The following INSL6 variants were observed in gnomAD, a reference collection of about 807,000 sequenced individuals.
INSL6 encodes the protein insulin like 6.
INSL6 carries 16 observed loss-of-function variants against 9.4 expected under a neutral mutation model. The observed-to-expected ratio is 1.70, with a 90% CI of 1.15 to 2.59. The LOEUF is 2.59. Ranked by LOEUF, INSL6 falls within the 30% of genes most tolerant of loss-of-function variation. INSL6 has a pLI of 0.00. For synonymous variants in INSL6, 154 were observed against 96.9 expected (o/e 1.59, Z -3.46); for missense variants, 391 against 257.3 (o/e 1.52, Z -3.56).
chr9:5,083,468 C>T, the INSL6 span, among the ~76,000 whole-genome samples: 1 of 152,206 alleles, frequency 6.6e-6, no homozygotes, highest in Non-Finnish European at 1.5e-5. Context: ...CCTGAAATAT[C>T]TCCAGATGTC....
the INSL6 span, among the ~76,000 whole-genome samples, chr9:5,081,225 T>TTA: frequency 6.6e-6 from 1 of 151,716 alleles, no homozygotes; most frequent in South Asian, 2.1e-4. Flanking sequence ...TAACCTAATT[T>TTA]TAGTTTTCCA....
At chr9:5,072,461 C>T in the INSL6 span, 1 of 1,484,030 alleles carries the variant, frequency 6.7e-7, no homozygotes, top group Non-Finnish European at 9.0e-7. Flanking sequence ...CATCTTTACT[C>T]ATTCTTTTCT....
chr9:5,150,776 G>A (rs1824695545), intron 2 of INSL6, among the ~76,000 whole-genome samples: 1 of 151,370 alleles, frequency 6.6e-6, no homozygotes, highest in Non-Finnish European at 1.5e-5. Context: ...ATGTTTAAAG[G>A]ACCACTCTTC....
the INSL6 span, chr9:5,081,869 G>C: frequency 3.7e-6 from 6 of 1,608,712 alleles, no homozygotes; most frequent in Non-Finnish European, 5.1e-6. Flanking sequence ...AAGGTAAATT[G>C]TCAGAATTTT....
At chr9:4,995,133 T>C in the INSL6 span, among the ~76,000 whole-genome samples, 1 of 152,220 alleles carries the variant, frequency 6.6e-6, no homozygotes, top group Non-Finnish European at 1.5e-5. Flanking sequence ...ACGTGAAAAA[T>C]AGAATCTCAT....
intron 1 of INSL6, among the ~76,000 whole-genome samples, chr9:5,171,156 T>G (rs763705109): frequency 6.6e-6 from 1 of 152,200 alleles, no homozygotes; most frequent in Non-Finnish European, 1.5e-5. Flanking sequence ...GTTGGCTTCA[T>G]GTCCAGGGTG....
the INSL6 span, among the ~76,000 whole-genome samples, chr9:5,044,735 C>G: frequency 1.3e-5 from 2 of 152,086 alleles, no homozygotes; most frequent in Non-Finnish European, 2.9e-5. Context: ...TTTTTTTGGA[C>G]TGATCCTTTT....
chr9:5,143,073 T>C (rs761296206), intron 2 of INSL6, among the ~76,000 whole-genome samples: 21 of 152,216 alleles, frequency 1.4e-4, no homozygotes, highest in South Asian at 6.2e-4. Flanking sequence ...AGCTTTTTGA[T>C]GTGCTGCTGG....
the INSL6 span, among the ~76,000 whole-genome samples, chr9:4,993,223 A>C: frequency 6.6e-6 from 1 of 152,204 alleles, no homozygotes; most frequent in South Asian, 2.1e-4. Context: ...CTGTGGGACA[A>C]CACCCTTAAG....
the INSL6 span, among the ~76,000 whole-genome samples, chr9:4,997,985 T>G: frequency 2.0e-5 from 3 of 152,194 alleles, no homozygotes; most frequent in Admixed American, 6.5e-5. Context: ...ATCTGAAATA[T>G]TCAGTGTTCT....
the INSL6 span, among the ~76,000 whole-genome samples, chr9:4,994,748 A>G: frequency 3.3e-5 from 5 of 152,176 alleles, no homozygotes; most frequent in African/African-American, 1.2e-4. Context: ...CCAATTCCCA[A>G]TTTAAATCAT....
chr9:5,090,715 G>T, the INSL6 span: 1 of 1,567,504 alleles, frequency 6.4e-7, no homozygotes, highest in South Asian at 1.2e-5. Flanking sequence ...AAAACTAGCT[G>T]AAAGAAAAAT....
chr9:5,029,641 G>C, the INSL6 span: 3 of 621,362 alleles, frequency 4.8e-6, no homozygotes, highest in East Asian at 5.7e-5. Flanking sequence ...GTAGGGGTTG[G>C]TATATCAAAA....
chr9:5,046,112 A>G, the INSL6 span, among the ~76,000 whole-genome samples: 1 of 152,140 alleles, frequency 6.6e-6, no homozygotes, highest in Non-Finnish European at 1.5e-5. Flanking sequence ...TTTGATGCAT[A>G]CTTCTCTAAC....
At chr9:5,084,962 T>G in the INSL6 span, 20 of 708,142 alleles carry the variant, frequency 2.8e-5, no homozygotes, top group Non-Finnish European at 4.9e-5. Flanking sequence ...AGGCACAGTC[T>G]GAGATAGCTG....
At chr9:5,141,146 T>C (rs902504078) in intron 2 of INSL6, among the ~76,000 whole-genome samples, 2 of 152,206 alleles carry the variant, frequency 1.3e-5, no homozygotes, top group Non-Finnish European at 2.9e-5. Flanking sequence ...GACTTTGCTA[T>C]TGTGAATATG....
chr9:5,088,682 T>G, the INSL6 span, among the ~76,000 whole-genome samples: 1 of 152,240 alleles, frequency 6.6e-6, no homozygotes, highest in Non-Finnish European at 1.5e-5. Context: ...GCCTGGAAAG[T>G]CTGAGATCAA....
At chr9:5,092,650 A>C in the INSL6 span, among the ~76,000 whole-genome samples, 1 of 152,238 alleles carries the variant, frequency 6.6e-6, no homozygotes. Flanking sequence ...TTCTGCATAA[A>C]GTATTAAGTA....
At chr9:5,178,663 T>C (rs928745567) in intron 1 of INSL6, among the ~76,000 whole-genome samples, 4 of 152,134 alleles carry the variant, frequency 2.6e-5, no homozygotes, top group Admixed American at 6.5e-5. Flanking sequence ...AACAGATACA[T>C]AGACCAATGG....
Sources: gnomAD v4.1 joint callset for allele counts (sites outside exome capture counted in the v4.1 genomes callset) on GRCh38, gnomAD v4.1.1 for gene constraint, MANE v1.5 for transcripts, NCBI Gene and HGNC (gene_info 2026-07-23, HGNC 2026-07-21) for gene names.